The following SUGP1 variants were observed in gnomAD, a reference collection of about 807,000 sequenced individuals.
SUGP1 encodes SURP and G-patch domain-containing protein 1.
SUGP1 carries 34 observed loss-of-function variants against 76.5 expected under a neutral mutation model. That is an observed-to-expected ratio of 0.44 (90% CI 0.34 to 0.59). SUGP1 has a LOEUF of 0.59. Ranked by LOEUF, SUGP1 falls within the 20% of genes least tolerant of loss-of-function variation. SUGP1 has a pLI of 0.01. For missense variants in SUGP1, 752 were observed against 851.7 expected (o/e 0.88, Z 1.46); for synonymous variants, 326 against 326.2 (o/e 1.00, Z 0.01).
At chr19:19,294,920 G>A (rs2061213605) in intron 8 of SUGP1, among the ~76,000 whole-genome samples, 1 of 152,136 alleles carries the variant, frequency 6.6e-6, no homozygotes, top group Admixed American at 6.5e-5. Flanking sequence ...GAAAGTATTT[G>A]CAAATCACAT....
intron 12 of SUGP1, among the ~76,000 whole-genome samples, chr19:19,277,351 C>G (rs1280411499): frequency 1.3e-5 from 2 of 151,960 alleles, no homozygotes; most frequent in South Asian, 2.1e-4. Flanking sequence ...TACTCAAGGA[C>G]AGCCTTGAAG....
At chr19:19,306,138 C>G in intron 3 of SUGP1, 62 bp from the exon 4 acceptor site, 2 of 1,434,768 alleles carry the variant, frequency 1.4e-6, no homozygotes, top group South Asian at 1.5e-5. Context: ...CGGCTTCCGA[C>G]CTAACCTAGG....
chr19:19,305,619 G>T (rs2061310196), intron 4 of SUGP1: 1 of 455,120 alleles, frequency 2.2e-6, no homozygotes, highest in South Asian at 3.8e-5. Context: ...GGATCCCGCT[G>T]CTCCCAAGAT....
Position 19,277,832 on chromosome 19 carries a change from A to G in SUGP1, c.1683T>C (p.Thr561=). Reference sequence around the variant, plus strand: ...GCATCTGGTAGCCGATGTTCTCCACAGTCAGCTTGAACTCCTTGTACTCTG... The same window carrying G: ...GCATCTGGTAGCCGATGTTCTCCACGGTCAGCTTGAACTCCTTGTACTCTG... ...DYSEYKEFKL[T]VENIGYQMLM... The change falls in exon 12 of 14, where the codon ACT becomes ACC. Residue 561 remains threonine, a synonymous_variant. Transcript: ENST00000247001. 6.2e-7 allele frequency: 1 copy of G among 1,613,992 alleles called. No individual in the cohort carries two copies. The highest frequency in any genetic ancestry group is 8.5e-7 in the Non-Finnish European group (1 of 1,179,968).
chr19:19,288,029 G>C (rs1418730295), intron 8 of SUGP1, among the ~76,000 whole-genome samples: 1 of 152,052 alleles, frequency 6.6e-6, no homozygotes, highest in African/African-American at 2.4e-5. Flanking sequence ...TTCATAAATA[G>C]TCAATATATT....
At chr19:19,320,362 G>T (rs561857552) in intron 1 of SUGP1, 101 bp downstream of exon 1, 3 of 1,302,766 alleles carry the variant, frequency 2.3e-6, no homozygotes, top group East Asian at 5.2e-5. Flanking sequence ...GGGCTGAAGC[G>T]AGGGATCCAC....
At chr19:19,277,172 G>A in intron 12 of SUGP1, 96 bp from the exon 13 acceptor site, 1 of 1,443,392 alleles carries the variant, frequency 6.9e-7, no homozygotes, top group Non-Finnish European at 9.3e-7. Flanking sequence ...TCCCGCGGGT[G>A]CAGGGCTGGG....
chr19:19,303,934 G>C (rs1455313107), intron 4 of SUGP1, 87 bp from the exon 5 acceptor site: 16 of 1,603,440 alleles, frequency 1.0e-5, no homozygotes, highest in East Asian at 4.5e-5. Context: ...AACGACAGAG[G>C]GGGTGGGGGG....
At chr19:19,314,115 C>T (rs1398765044) in intron 2 of SUGP1, among the ~76,000 whole-genome samples, 3 of 150,598 alleles carry the variant, frequency 2.0e-5, no homozygotes, top group African/African-American at 7.4e-5. Flanking sequence ...CCAGCCTGGG[C>T]GGCTGAGTGA....
chr19:19,307,658 CTTT>C (rs58906074), intron 3 of SUGP1, among the ~76,000 whole-genome samples: 9 of 145,850 alleles, frequency 6.2e-5, no homozygotes, highest in African/African-American at 2.3e-4. Flanking sequence ...TGGTATTTTT[CTTT>C]TTTTTTTTTC....
chr19:19,297,297 TTC>T lies in SUGP1; in HGVS notation c.933_934del (p.Lys312AlafsTer19), dbSNP rs754195142. 6.5e-7 allele frequency: 1 copy of T among 1,544,236 alleles called. No individual in the cohort carries two copies. The highest frequency in any genetic ancestry group is 8.8e-7 in the Non-Finnish European group (1 of 1,141,050). On this transcript the variant is annotated frameshift_variant, in exon 8 of 14. Transcript: ENST00000247001. LOFTEE classifies it high-confidence loss of function. Reference sequence around the variant, plus strand: ...CTTGGCTTTCCGGAACTCCTCCAGCTTCTGTCGGTAGTACTTGTACCCTTGGC... The same window carrying T: ...CTTGGCTTTCCGGAACTCCTCCAGCTTGTCGGTAGTACTTGTACCCTTGGC...
In SUGP1 at chr19:19,282,880, A is replaced by G. The variant is rs575798628; in HGVS notation, c.1244-2589T>C. 5.4e-4 allele frequency among the ~76,000 whole-genome samples: 83 copies of G among 152,342 alleles called. 1 individual carries two copies. Among genetic ancestry groups the G allele is most frequent in the South Asian group, 2.1e-3 (10 of 4,822 alleles). The stretch of plus-strand genomic sequence containing the variant: ...ATCACAAGGTCAGAAGATCGAGACC[A>G]TCCTGGCTAACACGGTGAAACCCCG... On this transcript the variant is annotated intron_variant, in intron 8 of 13. Coordinates refer to ENST00000247001, the MANE Select transcript of SUGP1 (RefSeq NM_172231.4).
At chr19:19,313,606 G>A (rs2061368107) in intron 2 of SUGP1, among the ~76,000 whole-genome samples, 1 of 152,148 alleles carries the variant, frequency 6.6e-6, no homozygotes, top group Non-Finnish European at 1.5e-5. Flanking sequence ...CTACTCAAGA[G>A]GCTGAGGTGG....
intron 8 of SUGP1, among the ~76,000 whole-genome samples, chr19:19,292,552 A>G (rs2061193819): frequency 6.6e-6 from 1 of 151,830 alleles, no homozygotes; most frequent in Admixed American, 6.6e-5. Context: ...AAATACAAAA[A>G]TTAGCCGGGT....
intron 8 of SUGP1, among the ~76,000 whole-genome samples, chr19:19,282,736 A>G (rs1350117887): frequency 1.3e-5 from 2 of 152,176 alleles, no homozygotes; most frequent in Non-Finnish European, 2.9e-5. Context: ...ATTCGAAAAA[A>G]GTCAGATGAA....
chr19:19,277,855 C>G lies in SUGP1; in HGVS notation c.1660G>C (p.Glu554Gln). 1 of 1,613,970 alleles carries G rather than the reference C, an allele frequency of 6.2e-7. No individual in the cohort carries two copies. The highest frequency in any genetic ancestry group is 8.5e-7 in the Non-Finnish European group (1 of 1,179,974). Residue 554 changes from glutamate to glutamine, a missense_variant, in exon 12 of 14, where the codon GAG (glutamate) becomes CAG (glutamine). Coordinates refer to ENST00000247001, the MANE Select transcript of SUGP1 (RefSeq NM_172231.4). ...LKEGREPDYS[E>Q]YKEFKLTVEN... ...ACAGTCAGCTTGAACTCCTTGTACT[C>G]TGAGTAGTCAGGCTCACGGCCCTCC...
At chr19:19,310,803 C>G (rs565135643) in intron 2 of SUGP1, among the ~76,000 whole-genome samples, 5 of 152,188 alleles carry the variant, frequency 3.3e-5, no homozygotes, top group Non-Finnish European at 7.3e-5. Flanking sequence ...GCCACCACAC[C>G]TGGCTAATTT....
intron 3 of SUGP1, 25 bp from the exon 4 acceptor site, chr19:19,306,101 C>T (rs749654843): frequency 6.6e-7 from 1 of 1,519,912 alleles, no homozygotes; most frequent in Non-Finnish European, 8.8e-7. Flanking sequence ...AGGATATGCG[C>T]ACTCGGGATC....
chr19:19,311,913 G>T (rs1391055863), intron 2 of SUGP1, among the ~76,000 whole-genome samples: 1 of 152,066 alleles, frequency 6.6e-6, no homozygotes, highest in African/African-American at 2.4e-5. Context: ...AGGAGTTTGA[G>T]GCTGCAGTGA....
Sources: allele counts gnomAD v4.1 joint callset (sites outside exome capture counted in the v4.1 genomes callset), GRCh38; gene constraint gnomAD v4.1.1; transcripts MANE v1.5; gene names NCBI Gene and HGNC (gene_info 2026-07-23, HGNC 2026-07-21).